The following RDX variants were observed in gnomAD, a reference collection of about 807,000 sequenced individuals.
The protein encoded by RDX is radixin.
RDX carries 32 observed loss-of-function variants against 83.7 expected under a neutral mutation model. The observed-to-expected ratio is 0.38, with a 90% CI of 0.29 to 0.51. The LOEUF (loss-of-function observed/expected upper bound fraction) is 0.51, where lower values mean the gene tolerates loss of function less well. RDX is among the 20% of genes least tolerant of loss of function. RDX has a pLI of 0.87. For missense variants in RDX, 600 were observed against 689.9 expected (o/e 0.87, Z 1.46); for synonymous variants, 229 against 222.7 (o/e 1.03, Z -0.25).
Position 110,254,009 on chromosome 11 carries a change from G to T in RDX, c.896C>A (p.Thr299Asn), listed in dbSNP as rs766193519. The part of the protein sequence containing the change: ...ELYMRRRKPD[T>N]IEVQQMKAQA... ...AGCCTTCATCTGTTGTACTTCAATA[G>T]TATCAGGCTTCCTTCTTCGCATGTA... The change falls in exon 9 of 14, where the codon ACT becomes AAT. Residue 299 changes from threonine to asparagine, a missense_variant. Coordinates refer to ENST00000645495, the MANE Select transcript of RDX (RefSeq NM_002906.4). 6.2e-7 allele frequency: 1 copy of T among 1,613,688 alleles called. No homozygotes were observed. The highest frequency in any genetic ancestry group is 1.7e-5 in the Admixed American group (1 of 59,956).
chr11:110,229,337 C>T (rs548167145), downstream of RDX: 3 of 152,314 alleles, frequency 2.0e-5, no homozygotes, highest in Non-Finnish European at 4.4e-5. Context: ...AAATTATTTC[C>T]TATCTACTTC....
chr11:110,251,957 G>A (rs576013169), intron 9 of RDX, among the ~76,000 whole-genome samples: 120 of 152,208 alleles, frequency 7.9e-4, no homozygotes, highest in Non-Finnish European at 1.6e-3. Flanking sequence ...GCATACCTCT[G>A]GGCATTCTCC....
intron 7 of RDX, among the ~76,000 whole-genome samples, chr11:110,255,636 T>C (rs1011263764): frequency 6.6e-6 from 1 of 152,156 alleles, no homozygotes; most frequent in African/African-American, 2.4e-5. Flanking sequence ...TAAAATTATC[T>C]AAAAAAACTA....
chr11:110,200,572 G>A (rs934030399), intron 14 of RDX, among the ~76,000 whole-genome samples: 5 of 152,146 alleles, frequency 3.3e-5, no homozygotes, highest in African/African-American at 7.2e-5. Flanking sequence ...TGAACCAAAA[G>A]GGCAGCTGTG....
chr11:110,210,916 G>C (rs192718102), intron 14 of RDX, among the ~76,000 whole-genome samples: 2 of 151,616 alleles, frequency 1.3e-5, no homozygotes, highest in South Asian at 4.2e-4. Context: ...CGAGACACTA[G>C]GAAGAAACTG....
chr11:110,283,714 C>G (rs1309708225), intron 1 of RDX, among the ~76,000 whole-genome samples: 5 of 151,000 alleles, frequency 3.3e-5, no homozygotes, highest in Non-Finnish European at 7.4e-5. Flanking sequence ...TAAAAATAAT[C>G]TAAAACAAAC....
At chr11:110,182,045 C>A (rs894550667) in intron 15 of RDX, among the ~76,000 whole-genome samples, 15 of 152,182 alleles carry the variant, frequency 9.9e-5, no homozygotes, top group Non-Finnish European at 2.2e-4. Flanking sequence ...CCAGGGCCAG[C>A]ACAAGAGAAG....
intron 2 of RDX, among the ~76,000 whole-genome samples, chr11:110,274,152 CTTA>C (rs1860415200): frequency 6.6e-6 from 1 of 151,964 alleles, no homozygotes; most frequent in African/African-American, 2.4e-5. Flanking sequence ...AAAACTGTAT[CTTA>C]TTAAGAAATG....
intron 10 of RDX, among the ~76,000 whole-genome samples, chr11:110,245,154 G>A (rs1413469394): frequency 2.6e-5 from 4 of 152,038 alleles, no homozygotes; most frequent in Admixed American, 2.6e-4. Flanking sequence ...ACTCCACCGT[G>A]TTGGCCAGGC....
At chr11:110,180,250 A>G (rs114468260) in intron 15 of RDX, among the ~76,000 whole-genome samples, 1,744 of 152,100 alleles carry the variant, frequency 0.011, 39 homozygotes, top group African/African-American at 0.04. Flanking sequence ...AGTGAAATTG[A>G]CTGTGTAGAT....
intron 1 of RDX, among the ~76,000 whole-genome samples, chr11:110,295,308 T>TAAAAA (rs200732024): frequency 7.9e-6 from 1 of 127,344 alleles, no homozygotes; most frequent in Non-Finnish European, 1.6e-5. Flanking sequence ...TTTAGTGTTC[T>TAAAAA]AAAAAAAAAA....
At chr11:110,197,647 G>C (rs751632032) in intron 15 of RDX, among the ~76,000 whole-genome samples, 4 of 152,186 alleles carry the variant, frequency 2.6e-5, no homozygotes, top group Non-Finnish European at 5.9e-5. Flanking sequence ...AATCATAAAA[G>C]ATCAGGTAGA....
chr11:110,221,574 G>A (rs1312760768), intron 14 of RDX, among the ~76,000 whole-genome samples: 2 of 142,118 alleles, frequency 1.4e-5, no homozygotes, highest in Non-Finnish European at 3.0e-5. Context: ...CTCCAGCCTG[G>A]GCAACAGAGC....
chr11:110,265,630 T>C (rs1860007304), intron 3 of RDX, among the ~76,000 whole-genome samples: 1 of 152,198 alleles, frequency 6.6e-6, no homozygotes. Flanking sequence ...ATATATTCCA[T>C]GTTCTACCTT....
At chr11:110,235,986 G>A (rs1864831774) in intron 12 of RDX, 113 bp downstream of exon 12, 6 of 787,838 alleles carry the variant, frequency 7.6e-6, no homozygotes, top group African/African-American at 1.7e-5. Context: ...CATAACACGA[G>A]TATCTTTCCC....
chr11:110,279,084 C>T (rs1860642883), intron 2 of RDX, among the ~76,000 whole-genome samples: 1 of 152,240 alleles, frequency 6.6e-6, no homozygotes, highest in South Asian at 2.1e-4. Flanking sequence ...TCTTCCTGAC[C>T]TCTCATTATT....
Position 110,280,233 on chromosome 11 carries a change from A to T in RDX, c.-64-477T>A, listed in dbSNP as rs118035741. ...TTAATGTAATCTACAAAAAAATGGA[A>T]GAAACTAATTTTTTTTTTTTATTTT... is the stretch of plus-strand genomic sequence containing the variant. On this transcript the variant is annotated intron_variant, in intron 1 of 13. Coordinates refer to ENST00000645495, the MANE Select transcript of RDX (RefSeq NM_002906.4). Among the ~76,000 whole-genome samples, 130 of 152,298 alleles carry T rather than the reference A, an allele frequency of 8.5e-4. No homozygotes were observed. The East Asian group carries it at 0.022, about 25-fold the overall frequency.
intron 1 of RDX, among the ~76,000 whole-genome samples, chr11:110,290,449 TCA>T (rs1011654211): frequency 6.6e-6 from 1 of 151,220 alleles, no homozygotes; most frequent in Non-Finnish European, 1.5e-5. Context: ...GAGGTCAAGG[TCA>T]CAGTGAGCTA....
At chr11:110,211,148 C>T (rs905797693) in intron 14 of RDX, among the ~76,000 whole-genome samples, 1 of 152,046 alleles carries the variant, frequency 6.6e-6, no homozygotes, top group African/African-American at 2.4e-5. Flanking sequence ...TGAAGATCTA[C>T]CAAGCCAATG....
Sources: allele counts gnomAD v4.1 joint callset (sites outside exome capture counted in the v4.1 genomes callset), GRCh38; gene constraint gnomAD v4.1.1; transcripts MANE v1.5; gene names NCBI Gene and HGNC (gene_info 2026-07-23, HGNC 2026-07-21).